Variants in DDX42 observed in about 807,000 individuals in gnomAD.
The protein encoded by DDX42 is ATP-dependent RNA helicase DDX42.
DDX42 carries 22 observed loss-of-function variants against 101.5 expected under a neutral mutation model. That is an observed-to-expected ratio of 0.22 (90% confidence interval 0.15 to 0.31). The LOEUF (loss-of-function observed/expected upper bound fraction) is 0.31, where lower values mean the gene tolerates loss of function less well. Ranked by LOEUF, DDX42 falls within the 10% of genes least tolerant of loss-of-function variation. The pLI is 1.00. For synonymous variants in DDX42, 402 were observed against 401.2 expected (o/e 1.00, Z -0.02); for missense variants, 849 against 1,199.9 (o/e 0.71, Z 4.32).
At chr17:63,804,305 T>A (rs532586313) in intron 6 of DDX42, among the ~76,000 whole-genome samples, 2 of 152,060 alleles carry the variant, frequency 1.3e-5, no homozygotes, top group African/African-American at 4.8e-5. Context: ...TTATAAAAAA[T>A]AATTTAGCCA....
chr17:63,785,602 TA>T (rs35420075), intron 1 of DDX42, among the ~76,000 whole-genome samples: 90,075 of 140,092 alleles, frequency 0.64, 28,608 homozygotes, highest in South Asian at 0.74. Context: ...CCCTGTTCCT[TA>T]AAAAAAAAAA....
At position 63,811,138 on chromosome 17, in the gene DDX42, G is replaced by A. The variant is rs1336241085; in HGVS notation, c.1363G>A (p.Asp455Asn). 2 of 1,614,082 alleles carry A rather than the reference G, an allele frequency of 1.2e-6. No individual in the cohort carries two copies. The highest frequency in any genetic ancestry group is 8.5e-7 in the Non-Finnish European group (1 of 1,180,014). The part of the protein sequence containing the change: ...IEKLARDILI[D>N]PIRVVQGDIG... ...AAAGTTGGCCAGAGACATCCTGATC[G>A]ACCCTATTCGAGTGGTGCAGGGAGA... is the stretch of plus-strand genomic sequence containing the variant. Residue 455 changes from aspartate to asparagine, a missense_variant, in exon 13 of 18, where the codon GAC becomes AAC. Physicochemically the swap from Asp to Asn is conservative, Grantham distance 23. Transcript: ENST00000389924.
intron 13 of DDX42, chr17:63,811,467 C>T: frequency 5.5e-6 from 2 of 366,034 alleles, no homozygotes; most frequent in South Asian, 9.1e-5. Context: ...TTCAAAGAGA[C>T]AAAAAGATGT....
At chr17:63,815,777 C>T (rs1598344771) in intron 16 of DDX42, 104 bp downstream of exon 16, 3 of 704,184 alleles carry the variant, frequency 4.3e-6, no homozygotes, top group East Asian at 5.7e-5. Context: ...GAGTTTAAAG[C>T]CCTGTCTAGA....
At chr17:63,797,890 A>G (rs944228469) in intron 3 of DDX42, 148 bp from the exon 4 acceptor site, 11 of 676,470 alleles carry the variant, frequency 1.6e-5, no homozygotes, top group Middle Eastern at 2.7e-4. Flanking sequence ...TCTCTTTGAA[A>G]AATAATTGTC....
Position 63,774,338 on chromosome 17 carries a change from C to T in DDX42, c.-55C>T, listed in dbSNP as rs920666274. On this transcript the variant is annotated 5_prime_UTR_variant, in exon 1 of 18. Coordinates refer to ENST00000389924, the MANE Select transcript of DDX42 (RefSeq NM_203499.3). The stretch of plus-strand genomic sequence containing the variant: ...TTGGGCTCCGGGATTCGCTCCGCGC[C>T]CGCGGTTGTAGCAGCTGCCGCTGCA... 3.9e-5 allele frequency: 10 copies of T among 253,856 alleles called. No individual in the cohort carries two copies. In the South Asian group the frequency reaches 1.0e-3, roughly 26 times the overall value. 15.7% of individuals were successfully genotyped at this position (253,856 alleles called of 1,614,324 possible). A position where few individuals can be genotyped will look rare whatever the true frequency, so the allele number is the denominator to read the frequency against.
intron 3 of DDX42, among the ~76,000 whole-genome samples, chr17:63,793,387 C>A (rs1257962926): frequency 1.3e-5 from 2 of 152,188 alleles, no homozygotes; most frequent in East Asian, 3.9e-4. Context: ...CCTGCCTCAG[C>A]CTCCTGAATA....
chr17:63,776,759 C>CA (rs984722567), intron 1 of DDX42, among the ~76,000 whole-genome samples: 29 of 151,808 alleles, frequency 1.9e-4, no homozygotes, highest in Admixed American at 1.8e-3. Flanking sequence ...AGCCACCACA[C>CA]ACAGCCTCTT....
intron 1 of DDX42, among the ~76,000 whole-genome samples, chr17:63,776,782 A>G (rs1421084862): frequency 6.6e-6 from 1 of 151,870 alleles, no homozygotes; most frequent in East Asian, 1.9e-4. Context: ...CATTTTTTAT[A>G]GATGAGGAAA....
intron 7 of DDX42, 162 bp from the exon 8 acceptor site, chr17:63,806,373 C>A (rs982528466): frequency 7.3e-6 from 4 of 550,072 alleles, no homozygotes; most frequent in Non-Finnish European, 5.8e-6. Context: ...ATATTTGTTA[C>A]CATTTGAGGT....
intron 3 of DDX42, among the ~76,000 whole-genome samples, chr17:63,796,884 T>A (rs1421852508): frequency 6.6e-6 from 1 of 152,178 alleles, no homozygotes; most frequent in Non-Finnish European, 1.5e-5. Flanking sequence ...TCAGGAACAT[T>A]TGGTTTGATA....
intron 3 of DDX42, among the ~76,000 whole-genome samples, chr17:63,796,988 G>C (rs2039701254): frequency 6.6e-6 from 1 of 152,120 alleles, no homozygotes; most frequent in Non-Finnish European, 1.5e-5. Flanking sequence ...AGAAAAAGTT[G>C]TGCAGAATGT....
chr17:63,787,864 G>C (rs2039566150), intron 2 of DDX42, among the ~76,000 whole-genome samples: 1 of 149,910 alleles, frequency 6.7e-6, no homozygotes. Context: ...AAAAGCCATT[G>C]AAACATAAAT....
At chr17:63,784,409 C>G (rs1319608215) in intron 1 of DDX42, among the ~76,000 whole-genome samples, 1 of 152,170 alleles carries the variant, frequency 6.6e-6, no homozygotes, top group Non-Finnish European at 1.5e-5. Context: ...TTAAATCATA[C>G]TACCCACCTT....
chr17:63,789,635 G>A lies in DDX42; in HGVS notation c.221+2365G>A, dbSNP rs181739772. 2.0e-3 allele frequency among the ~76,000 whole-genome samples: 282 copies of A among 138,040 alleles called. 2 individuals carry two copies. Among genetic ancestry groups the A allele is most frequent in the African/African-American group, 7.4e-3 (268 of 36,316 alleles). 90.6% of individuals were successfully genotyped at this position (138,040 alleles called of 152,430 possible). A position where few individuals can be genotyped will look rare whatever the true frequency, so the allele number is the denominator to read the frequency against. On this transcript the variant is annotated intron_variant, in intron 2 of 17. Coordinates refer to ENST00000389924, the MANE Select transcript of DDX42 (RefSeq NM_203499.3). Reference sequence around the variant, plus strand: ...GTTGCCCAGGCTGGAGTGCAGTGGCGTGATCTAGGCTCACAGCAACCTCTG... The same window carrying A: ...GTTGCCCAGGCTGGAGTGCAGTGGCATGATCTAGGCTCACAGCAACCTCTG...
chr17:63,779,458 C>CT (rs944553723), intron 1 of DDX42, among the ~76,000 whole-genome samples: 3 of 152,084 alleles, frequency 2.0e-5, no homozygotes, highest in African/African-American at 7.2e-5. Flanking sequence ...GAAATCAGGT[C>CT]TTTCATTGTT....
chr17:63,816,839 C>T, intron 16 of DDX42, 29 bp from the exon 17 acceptor site: 2 of 1,581,430 alleles, frequency 1.3e-6, no homozygotes, highest in Non-Finnish European at 1.7e-6. Flanking sequence ...CTTATTTTTT[C>T]ATTCTCATAG....
intron 1 of DDX42, among the ~76,000 whole-genome samples, chr17:63,782,110 T>G (rs1299217729): frequency 6.6e-6 from 1 of 151,906 alleles, no homozygotes; most frequent in African/African-American, 2.4e-5. Context: ...GAAACCTGTC[T>G]CTACTAAAAA....
At chr17:63,813,060 A>G (rs1194423037) in intron 14 of DDX42, among the ~76,000 whole-genome samples, 168 bp from the exon 15 acceptor site, 1 of 152,126 alleles carries the variant, frequency 6.6e-6, no homozygotes, top group African/African-American at 2.4e-5. Context: ...AAGGCCTAAC[A>G]TCATAGAATC....
Sources: gnomAD v4.1 joint callset for allele counts (sites outside exome capture counted in the v4.1 genomes callset) on GRCh38, gnomAD v4.1.1 for gene constraint, MANE v1.5 for transcripts, NCBI Gene and HGNC (gene_info 2026-07-23, HGNC 2026-07-21) for gene names.